Variants in PPM1B observed in about 807,000 individuals in gnomAD.
The protein encoded by PPM1B is protein phosphatase, Mg2+/Mn2+ dependent 1B.
In PPM1B, 22 loss-of-function variants were observed where a neutral mutation model predicts 43.0. The observed-to-expected ratio is 0.51, with a 90% confidence interval of 0.37 to 0.73. The LOEUF is 0.73. Ranked by LOEUF, PPM1B falls within the 30% of genes least tolerant of loss-of-function variation. The probability of loss-of-function intolerance (pLI) is 0.00; values close to 1 mark genes in which losing one functional copy is unlikely to be tolerated. For synonymous variants in PPM1B, 217 were observed against 197.9 expected (o/e 1.10, Z -0.81); for missense variants, 632 against 584.2 (o/e 1.08, Z -0.84).
chr2:44,186,107 C>G (rs1385604288), intron 1 of PPM1B, among the ~76,000 whole-genome samples: 2 of 152,080 alleles, frequency 1.3e-5, no homozygotes, highest in East Asian at 3.9e-4. Context: ...CTGTAAGGTC[C>G]TGGAATGGTG....
chr2:44,202,182 T>C, intron 2 of PPM1B, 137 bp downstream of exon 2: 1 of 868,208 alleles, frequency 1.2e-6, no homozygotes, highest in Non-Finnish European at 1.6e-6. Flanking sequence ...TTACCAGAAA[T>C]GAAACCATTG....
At chr2:44,191,408 GT>G (rs1302821627) in intron 1 of PPM1B, among the ~76,000 whole-genome samples, 1 of 152,020 alleles carries the variant, frequency 6.6e-6, no homozygotes, top group Non-Finnish European at 1.5e-5. Flanking sequence ...TAGAGATGGG[GT>G]TTCACCATGT....
chr2:44,233,651 G>C (rs1413387605), downstream of PPM1B: 1 of 985,700 alleles, frequency 1.0e-6, no homozygotes, highest in Non-Finnish European at 1.2e-6. Flanking sequence ...TCATCATCTG[G>C]TCCTTTGTGA....
chr2:44,223,843 A>AG (rs1394499435), intron 5 of PPM1B, among the ~76,000 whole-genome samples: 4 of 132,714 alleles, frequency 3.0e-5, no homozygotes, highest in African/African-American at 1.3e-4. Flanking sequence ...AAAAAAAAAA[A>AG]AGAGAGAGAG....
intron 3 of PPM1B, among the ~76,000 whole-genome samples, chr2:44,216,759 C>T (rs1278228835): frequency 6.6e-6 from 1 of 152,036 alleles, no homozygotes; most frequent in African/African-American, 2.4e-5. Flanking sequence ...AACCCCATCT[C>T]TACTAAAATA....
chr2:44,231,514 C>G, downstream of PPM1B: 2 of 901,440 alleles, frequency 2.2e-6, no homozygotes, highest in Non-Finnish European at 2.7e-6. Flanking sequence ...TTAAAAACAA[C>G]CAAGTTTGGT....
At chr2:44,194,560 A>G (rs992220562) in intron 1 of PPM1B, among the ~76,000 whole-genome samples, 10 of 152,092 alleles carry the variant, frequency 6.6e-5, no homozygotes, top group African/African-American at 2.4e-4. Flanking sequence ...CGTCTCTACT[A>G]AAAATAGAAA....
intron 1 of PPM1B, among the ~76,000 whole-genome samples, chr2:44,184,483 C>G (rs556220830): frequency 6.6e-6 from 1 of 152,162 alleles, no homozygotes; most frequent in South Asian, 2.1e-4. Context: ...ATTATATTTA[C>G]TCTGTTCTCA....
downstream of PPM1B, chr2:44,232,260 C>G: frequency 6.4e-7 from 1 of 1,571,520 alleles, no homozygotes; most frequent in Non-Finnish European, 8.6e-7. Context: ...GAAATTCAAT[C>G]CAATCTGGAA....
downstream of PPM1B, chr2:44,233,575 A>G (rs1377484356): frequency 1.0e-6 from 1 of 985,632 alleles, no homozygotes; most frequent in African/African-American, 1.7e-5. Context: ...CTTTGTAAAC[A>G]TTTTCCTGTA....
At chr2:44,177,943 A>T (rs1486664837) in intron 1 of PPM1B, among the ~76,000 whole-genome samples, 5 of 144,434 alleles carry the variant, frequency 3.5e-5, no homozygotes, top group Admixed American at 7.0e-5. Context: ...TTAATAAGAC[A>T]GTCCGGCTCT....
Position 44,230,727 on chromosome 2 carries a change from T to C in PPM1B, c.*9T>C, listed in dbSNP as rs1423717693. ...GTGGTGAAAAAATATGACTTTCCTT[T>C]TTGGTAATATTTTTGTGATCTTTGA... On this transcript the variant is annotated 3_prime_UTR_variant, in exon 6 of 6. Transcript: ENST00000282412. 1 of 1,599,902 alleles carries C rather than the reference T, an allele frequency of 6.3e-7. No individual in the cohort carries two copies. The highest frequency in any genetic ancestry group is 1.1e-5 in the South Asian group (1 of 89,866).
chr2:44,176,916 G>A lies in PPM1B; in HGVS notation c.-15+7642G>A, dbSNP rs572562772. On this transcript the variant is annotated intron_variant, in intron 1 of 5. Transcript: ENST00000282412. ...CTGCCTCAGCCTCCCAAGTAGCTGG[G>A]ATTACAGGCCTGCGGCACCACGCCC... Among the ~76,000 whole-genome samples the A allele has an allele frequency of 2.6e-3, 394 of 152,250 alleles. 1 individual carries two copies. Among genetic ancestry groups the A allele is most frequent in the South Asian group, 6.4e-3 (31 of 4,818 alleles).
At chr2:44,226,517 T>C (rs73924241) in intron 5 of PPM1B, among the ~76,000 whole-genome samples, 5,786 of 152,234 alleles carry the variant, frequency 0.038, 341 homozygotes, top group African/African-American at 0.13. Flanking sequence ...CAACCCTGGC[T>C]GTATATCAGA....
chr2:44,229,378 T>C (rs1377220540), intron 5 of PPM1B, among the ~76,000 whole-genome samples: 5 of 152,198 alleles, frequency 3.3e-5, no homozygotes, highest in African/African-American at 4.8e-5. Context: ...GTAATTGTTA[T>C]TTTGAATCCC....
chr2:44,204,620 A>G (rs1348693096), intron 2 of PPM1B, among the ~76,000 whole-genome samples: 1 of 152,096 alleles, frequency 6.6e-6, no homozygotes, highest in Non-Finnish European at 1.5e-5. Context: ...TTTCACAACC[A>G]TATGAGGTAG....
chr2:44,231,901 A>G (rs1446359530), downstream of PPM1B, among the ~76,000 whole-genome samples: 1 of 152,190 alleles, frequency 6.6e-6, no homozygotes, highest in Non-Finnish European at 1.5e-5. Flanking sequence ...AGGGAAAAAT[A>G]TTTTTTAAAA....
chr2:44,223,048 T>G (rs1247776779), intron 5 of PPM1B, among the ~76,000 whole-genome samples: 1 of 152,152 alleles, frequency 6.6e-6, no homozygotes, highest in Non-Finnish European at 1.5e-5. Flanking sequence ...CCAGGGCTAG[T>G]CTTGAACTCC....
chr2:44,182,551 G>A (rs1012049368), intron 1 of PPM1B, among the ~76,000 whole-genome samples: 5 of 152,172 alleles, frequency 3.3e-5, no homozygotes, highest in African/African-American at 1.2e-4. Flanking sequence ...GTGAACCACA[G>A]TGCCTGGCCA....
Sources: allele counts gnomAD v4.1 joint callset (sites outside exome capture counted in the v4.1 genomes callset), GRCh38; gene constraint gnomAD v4.1.1; transcripts MANE v1.5; gene names NCBI Gene and HGNC (gene_info 2026-07-23, HGNC 2026-07-21).